The following KIR3DL1 variants were observed in gnomAD, a reference collection of about 807,000 sequenced individuals.
The protein encoded by KIR3DL1 is killer cell immunoglobulin like receptor, three Ig domains and long cytoplasmic tail 1, also known as killer cell immunoglobulin-like receptor 3DL1.
Under a neutral mutation model 40.3 loss-of-function variants are expected in KIR3DL1, and 50 were observed. The ratio of observed to expected loss-of-function variants is 1.24; its 90% CI spans 0.99 to 1.57. The LOEUF (loss-of-function observed/expected upper bound fraction) is 1.57. KIR3DL1 is among the 40% of genes most tolerant of loss of function. KIR3DL1 has a pLI of 0.00. For synonymous variants in KIR3DL1, 257 were observed against 207.2 expected (o/e 1.24, Z -2.07); for missense variants, 661 against 559.9 (o/e 1.18, Z -1.82).
In KIR3DL1 at chr19:54,821,556, T is replaced by C; in HGVS notation, c.656-9T>C. 6.2e-7 allele frequency: 1 copy of C among 1,600,324 alleles called. No individual in the cohort carries two copies. The highest frequency in any genetic ancestry group is 8.5e-7 in the Non-Finnish European group (1 of 1,174,028). The stretch of plus-strand genomic sequence containing the variant: ...ACCTCCCTGAGGAAACTGCCTCTTC[T>C]CCTTCCAGGTCCATATGAGAAACCT... On this transcript the variant is annotated splice_polypyrimidine_tract_variant and intron_variant, in intron 4 of 8. Transcript: ENST00000391728.
Position 54,830,086 on chromosome 19 carries a change from T to A in KIR3DL1, c.1159-13T>A. On this transcript the variant is annotated splice_polypyrimidine_tract_variant and intron_variant, in intron 8 of 8. Transcript: ENST00000391728. Reference sequence around the variant, plus strand: ...GCATTTCCCTCCCTCACTCAGCATTTCCCTCTCTCCAGGACTCTGATGAAC... The same window carrying A: ...GCATTTCCCTCCCTCACTCAGCATTACCCTCTCTCCAGGACTCTGATGAAC... 2 of 1,519,370 alleles carry A rather than the reference T, an allele frequency of 1.3e-6. No homozygotes were observed. The highest frequency in any genetic ancestry group is 1.8e-6 in the Non-Finnish European group (2 of 1,120,346). 94.1% of individuals were successfully genotyped at this position (1,519,370 alleles called of 1,614,324 possible).
chr19:54,827,884 C>A (rs1325469827), intron 6 of KIR3DL1, among the ~76,000 whole-genome samples: 3 of 150,156 alleles, frequency 2.0e-5, no homozygotes, highest in Non-Finnish European at 2.9e-5. Context: ...CTTGCCCCCT[C>A]ACCCAAATCC....
chr19:54,817,106 G>A (rs2061384320), intron 1 of KIR3DL1, among the ~76,000 whole-genome samples: 1 of 148,344 alleles, frequency 6.7e-6, no homozygotes, highest in Non-Finnish European at 1.5e-5. Flanking sequence ...AGACATACAA[G>A]CCTGGAAAGG....
chr19:54,818,194 C>T, intron 2 of KIR3DL1, 121 bp from the exon 3 acceptor site: 3 of 1,066,262 alleles, frequency 2.8e-6, no homozygotes, highest in Non-Finnish European at 4.0e-6. Context: ...TTCCTGTAGC[C>T]CTGGGCACCC....
At chr19:54,828,537 C>T (rs938972058) in intron 6 of KIR3DL1, among the ~76,000 whole-genome samples, 5 of 150,982 alleles carry the variant, frequency 3.3e-5, no homozygotes, top group East Asian at 1.9e-4. Context: ...AAAAGCTGCT[C>T]GAGACATGTG....
rs375883178 is a variant in KIR3DL1 at position 54,828,076 on chromosome 19, G to A, written c.1001-1285G>A. Among the ~76,000 whole-genome samples, 10 of 150,732 alleles carry A rather than the reference G, an allele frequency of 6.6e-5. 1 individual carries two copies. In the East Asian group the frequency reaches 7.7e-4, roughly 12 times the overall value. On this transcript the variant is annotated intron_variant, in intron 6 of 8. Transcript: ENST00000391728. ...GGTGGTATTGAAGCAATAGATAGTCGAGGGGGTGGTCCTTCCCCCAGCCTC... is the reference window on the plus strand; with the variant it reads ...GGTGGTATTGAAGCAATAGATAGTCAAGGGGGTGGTCCTTCCCCCAGCCTC...
At position 54,818,427 on chromosome 19, in the gene KIR3DL1, C is replaced by A. The variant is rs1351718561; in HGVS notation, c.183C>A (p.Tyr61Ter). Residue 61 changes from tyrosine (Y) to a stop codon, truncating the protein, a stop_gained, in exon 3 of 9, where the codon TAC becomes TAA. Transcript: ENST00000391728. LOFTEE classifies it high-confidence loss of function. ...ATAGGTTTAACAATTTCATGCTATA[C>A]AAAGAAGACAGAATCCACATTCCCA... 2.5e-6 allele frequency: 4 copies of A among 1,607,642 alleles called. No individual in the cohort carries two copies. Among genetic ancestry groups the A allele is most frequent in the Non-Finnish European group, 3.4e-6 (4 of 1,177,742 alleles).
chr19:54,822,090 C>T (rs1911760445), intron 5 of KIR3DL1, among the ~76,000 whole-genome samples: 1 of 151,144 alleles, frequency 6.6e-6, no homozygotes. Context: ...AGAAAGCGGT[C>T]AGGACAGACC....
chr19:54,821,410 A>C (rs1774418901), intron 4 of KIR3DL1, among the ~76,000 whole-genome samples, 155 bp from the exon 5 acceptor site: 2 of 151,158 alleles, frequency 1.3e-5, no homozygotes, highest in Non-Finnish European at 2.9e-5. Flanking sequence ...AAAAGGTAGA[A>C]GGAGGAAACA....
Position 54,830,047 on chromosome 19 carries a change from C to A in KIR3DL1, c.1159-52C>A, listed in dbSNP as rs150789261. 1.1e-5 allele frequency: 17 copies of A among 1,520,690 alleles called. 1 individual carries two copies. The highest frequency in any genetic ancestry group is 2.4e-5 in the East Asian group (1 of 42,546). The allele number at this position is 1,520,690 out of a possible 1,614,324, so 94.2% of individuals were successfully genotyped here. ...CAAACAGTCCTGGAAAACGTGAGCA[C>A]CCTCCCTCACTCAGCATTTCCCTCC... On this transcript the variant is annotated intron_variant, in intron 8 of 8. Transcript: ENST00000391728.
chr19:54,821,813 T>A, exon 5 of KIR3DL1: 1 of 1,605,192 alleles, frequency 6.2e-7, no homozygotes. Context: ...TCACTCTCCC[T>A]ACGAGTGGTC....
chr19:54,830,453 G>A (rs1434417507), exon 9 of KIR3DL1: 4 of 787,988 alleles, frequency 5.1e-6, no homozygotes, highest in South Asian at 3.7e-5. Flanking sequence ...AAATGTCTAG[G>A]TCCCCACTGC....
At chr19:54,821,711 G>T in exon 5 of KIR3DL1, 1 of 1,609,124 alleles carries the variant, frequency 6.2e-7, no homozygotes, top group South Asian at 1.1e-5. Context: ...TAGGCTCCCT[G>T]CAGTGCGCAA....
chr19:54,817,070 C>G (rs2061382018), intron 1 of KIR3DL1, among the ~76,000 whole-genome samples: 1 of 147,528 alleles, frequency 6.8e-6, no homozygotes, highest in Non-Finnish European at 1.5e-5. Flanking sequence ...AGATATGGGC[C>G]TGGGGTGGAG....
chr19:54,830,278 A>C, exon 9 of KIR3DL1: 1 of 1,523,534 alleles, frequency 6.6e-7, no homozygotes, highest in Non-Finnish European at 8.9e-7. Context: ...GCCCATGAGC[A>C]CCACAGTCAG....
At chr19:54,824,857 G>C (rs2061802981) in intron 5 of KIR3DL1, among the ~76,000 whole-genome samples, 171 bp from the exon 6 acceptor site, 1 of 150,218 alleles carries the variant, frequency 6.7e-6, no homozygotes, top group Admixed American at 6.6e-5. Context: ...ATACCTTCAA[G>C]TCTCAAGACA....
chr19:54,829,537 G>C (rs45523441), intron 7 of KIR3DL1, 72 bp downstream of exon 7: 15,183 of 1,238,236 alleles, frequency 0.012, 1,399 homozygotes, highest in Non-Finnish European at 0.015. Flanking sequence ...ACACAGCTGT[G>C]TGTTCCTCAC....
At chr19:54,828,725 G>A (rs1275205141) in intron 6 of KIR3DL1, among the ~76,000 whole-genome samples, 3 of 148,128 alleles carry the variant, frequency 2.0e-5, no homozygotes, top group East Asian at 2.0e-4. Flanking sequence ...GGACTTTGCT[G>A]TCTTAGTCCA....
chr19:54,819,516 G>T (rs1462688959), intron 3 of KIR3DL1, among the ~76,000 whole-genome samples, 197 bp from the exon 4 acceptor site: 1 of 151,258 alleles, frequency 6.6e-6, no homozygotes, highest in East Asian at 1.9e-4. Flanking sequence ...AGGGGCTACT[G>T]GAGACAGAGG....
Sources: gnomAD v4.1 joint callset for allele counts (sites outside exome capture counted in the v4.1 genomes callset) on GRCh38, gnomAD v4.1.1 for gene constraint, MANE v1.5 for transcripts, NCBI Gene and HGNC (gene_info 2026-07-23, HGNC 2026-07-21) for gene names.